PCDHGA2: variants seen among roughly 807,000 people sequenced by gnomAD.
PCDHGA2 encodes the protein protocadherin gamma subfamily A, 2, also known as protocadherin gamma-A2.
Under a neutral mutation model 59.2 loss-of-function variants are expected in PCDHGA2, and 40 were observed. That is an observed-to-expected ratio of 0.68 (90% CI 0.52 to 0.88). PCDHGA2 has a LOEUF of 0.88. Ranked by LOEUF, PCDHGA2 falls within the 40% of genes least tolerant of loss-of-function variation. The probability of loss-of-function intolerance (pLI) is 0.00; values close to 1 mark genes in which losing one functional copy is unlikely to be tolerated. For missense variants in PCDHGA2, 1,226 were observed against 1,204.0 expected (o/e 1.02, Z -0.27); for synonymous variants, 560 against 526.0 (o/e 1.06, Z -0.89).
chr5:141,445,305 T>C (rs899306819), intron 1 of PCDHGA2, among the ~76,000 whole-genome samples: 2 of 152,204 alleles, frequency 1.3e-5, no homozygotes, highest in Non-Finnish European at 1.5e-5. Context: ...TCTCTTCAGT[T>C]TGTAGGTTGA....
intron 1 of PCDHGA2, chr5:141,417,759 C>T: frequency 7.0e-7 from 1 of 1,437,100 alleles, no homozygotes; most frequent in South Asian, 1.5e-5. Flanking sequence ...AGCTCCGAGA[C>T]CCGGGACTCC....
chr5:141,364,478 A>G (rs1225637792), intron 1 of PCDHGA2: 1 of 1,613,934 alleles, frequency 6.2e-7, no homozygotes, highest in Non-Finnish European at 8.5e-7. Context: ...CAACATAGCC[A>G]AGGACCTTGG....
Position 141,431,520 on chromosome 5 carries a change from A to T in PCDHGA2, c.2425-63287A>T. ...GAGTACCGCGCGAGCGTTCCGGAGA[A>T]TCTGGCCTTGGGCACGCAGCTGCTT... On this transcript the variant is annotated intron_variant, in intron 1 of 3. Transcript: ENST00000394576. The surrounding 1 kb of genome is among the most constrained non-coding windows in gnomAD (Gnocchi z 4.8). 6.2e-7 allele frequency: 1 copy of T among 1,614,068 alleles called. No homozygotes were observed. Among genetic ancestry groups the T allele is most frequent in the Non-Finnish European group, 8.5e-7 (1 of 1,180,020 alleles).
intron 1 of PCDHGA2, chr5:141,379,317 C>T (rs914765409): frequency 1.3e-5 from 2 of 152,162 alleles, no homozygotes; most frequent in East Asian, 1.9e-4. Context: ...AACAAGAGAT[C>T]TAATCATACA....
intron 1 of PCDHGA2, chr5:141,409,349 A>G: frequency 6.2e-7 from 1 of 1,614,030 alleles, no homozygotes. Context: ...TGGAGAAGTC[A>G]GGTGTAATAT....
At chr5:141,428,098 A>G in intron 1 of PCDHGA2, 1 of 1,608,664 alleles carries the variant, frequency 6.2e-7, no homozygotes, top group Non-Finnish European at 8.5e-7. Flanking sequence ...CTGTCCTACC[A>G]CGTGCTGCAG....
chr5:141,489,660 G>A lies in PCDHGA2; in HGVS notation c.2425-5147G>A, dbSNP rs763985085. 3 of 1,614,096 alleles carry A rather than the reference G, an allele frequency of 1.9e-6. No individual in the cohort carries two copies. Among genetic ancestry groups the A allele is most frequent in the Non-Finnish European group, 2.5e-6 (3 of 1,180,036 alleles). On this transcript the variant is annotated intron_variant, in intron 1 of 3. Coordinates refer to ENST00000394576, the MANE Select transcript of PCDHGA2 (RefSeq NM_018915.4). The surrounding 1 kb of genome is among the most constrained non-coding windows in gnomAD (Gnocchi z 4.5). Reference sequence around the variant, plus strand: ...GCTTTGCCACCCCTGAGCGAGAGATGCGCATCTCAGAATCAGCAGCATCTG... The same window carrying A: ...GCTTTGCCACCCCTGAGCGAGAGATACGCATCTCAGAATCAGCAGCATCTG...
At chr5:141,403,773 A>G (rs1286965459) in intron 1 of PCDHGA2, 5 of 1,613,956 alleles carry the variant, frequency 3.1e-6, no homozygotes, top group Non-Finnish European at 4.2e-6. Flanking sequence ...GAGGGAATCA[A>G]CGGAAAAGTG....
intron 3 of PCDHGA2, 111 bp from the exon 4 acceptor site, chr5:141,510,836 G>C: frequency 6.3e-7 from 1 of 1,584,882 alleles, no homozygotes; most frequent in African/African-American, 1.3e-5. Flanking sequence ...TGCTCAGCGT[G>C]GTCAAGGCCC....
chr5:141,355,232 C>G (rs1759768343), intron 1 of PCDHGA2: 1 of 1,611,712 alleles, frequency 6.2e-7, no homozygotes, highest in Non-Finnish European at 8.5e-7. Flanking sequence ...CCAGACCACA[C>G]CCGGCTGCTC....
chr5:141,475,128 C>T (rs775275292), intron 1 of PCDHGA2, among the ~76,000 whole-genome samples: 3 of 151,894 alleles, frequency 2.0e-5, no homozygotes, highest in Non-Finnish European at 4.4e-5. Context: ...GGCTTTTTTT[C>T]TTTTTGAAAT....
rs35482758 is a variant in PCDHGA2, at chr5:141,473,653, G to A, written c.2425-21154G>A. On this transcript the variant is annotated intron_variant, in intron 1 of 3. Coordinates refer to ENST00000394576, the MANE Select transcript of PCDHGA2 (RefSeq NM_018915.4). ...AGCTTTCCTGGCAAAGGAACAATTT[G>A]TGTGAAGGCCCTGAGACAGGGAAGG... Among the ~76,000 whole-genome samples, 302 of 152,274 alleles carry A rather than the reference G, an allele frequency of 2.0e-3. 1 individual carries two copies. Among genetic ancestry groups the A allele is most frequent in the Middle Eastern group, 0.01 (3 of 294 alleles).
chr5:141,422,043 G>A (rs1307532347), intron 1 of PCDHGA2: 13 of 1,611,504 alleles, frequency 8.1e-6, no homozygotes, highest in African/African-American at 1.3e-5. Flanking sequence ...ATCCAGACGA[G>A]GGAATCAACG....
chr5:141,415,552 G>T (rs1244457142), intron 1 of PCDHGA2: 3 of 1,613,980 alleles, frequency 1.9e-6, no homozygotes, highest in African/African-American at 2.7e-5. Flanking sequence ...TGAGAAAAAC[G>T]ATCCTTTGTC....
intron 1 of PCDHGA2, chr5:141,414,950 TGACCAA>T (rs778670321): frequency 6.2e-7 from 1 of 1,614,030 alleles, no homozygotes; most frequent in South Asian, 1.1e-5. Context: ...GGCTACCTGG[TGACCAA>T]GGTGGTGGCG....
chr5:141,494,785 T>G, intron 1 of PCDHGA2, 22 bp from the exon 2 acceptor site: 1 of 1,614,016 alleles, frequency 6.2e-7, no homozygotes, highest in Non-Finnish European at 8.5e-7. Flanking sequence ...ACTCAGCCCC[T>G]TTCCCTCTGT....
At chr5:141,361,473 C>A (rs374176708) in intron 1 of PCDHGA2, 3 of 1,613,906 alleles carry the variant, frequency 1.9e-6, no homozygotes, top group Middle Eastern at 1.6e-4. Flanking sequence ...CCGACGTCAA[C>A]GATAATGCCC....
intron 1 of PCDHGA2, chr5:141,357,409 G>C: frequency 6.2e-7 from 1 of 1,614,250 alleles, no homozygotes; most frequent in Non-Finnish European, 8.5e-7. Flanking sequence ...AGGTGTGCCT[G>C]CCTCGCACTT....
At chr5:141,421,700 C>A (rs755518757) in intron 1 of PCDHGA2, 2 of 1,613,900 alleles carry the variant, frequency 1.2e-6, no homozygotes, top group Non-Finnish European at 1.7e-6. Flanking sequence ...CTTCCTAATG[C>A]TAGGGATCCA....
Sources: gnomAD v4.1 joint callset for allele counts (sites outside exome capture counted in the v4.1 genomes callset) on GRCh38, gnomAD v4.1.1 for gene constraint, Gnocchi (gnomAD v3.1) non-coding constraint, MANE v1.5 for transcripts, NCBI Gene and HGNC (gene_info 2026-07-23, HGNC 2026-07-21) for gene names.